The following TBC1D5 variants were observed in gnomAD, a reference collection of about 807,000 sequenced individuals.
The protein encoded by TBC1D5 is TBC1 domain family member 5.
TBC1D5 carries 75 observed loss-of-function variants against 100.3 expected under a neutral mutation model. The ratio of observed to expected loss-of-function variants is 0.75; its 90% CI spans 0.62 to 0.91. The LOEUF (loss-of-function observed/expected upper bound fraction) is 0.91, where lower values mean the gene tolerates loss of function less well. Ranked by LOEUF, TBC1D5 falls within the 40% of genes least tolerant of loss-of-function variation. The pLI, the probability that TBC1D5 is intolerant of heterozygous loss-of-function variation, is 0.00. For synonymous variants in TBC1D5, 323 were observed against 325.6 expected (o/e 0.99, Z 0.09); for missense variants, 910 against 942.4 (o/e 0.97, Z 0.45).
intron 1 of TBC1D5, among the ~76,000 whole-genome samples, chr3:17,725,279 C>CT (rs2076028526): frequency 1.3e-5 from 2 of 152,060 alleles, no homozygotes; most frequent in Admixed American, 6.6e-5. Context: ...TCTAAAACCA[C>CT]TTTAAGTTAC....
intron 16 of TBC1D5, among the ~76,000 whole-genome samples, chr3:17,256,554 G>A (rs1438187874): frequency 5.9e-5 from 9 of 151,618 alleles, no homozygotes; most frequent in African/African-American, 2.4e-5. Context: ...AAATCATGAA[G>A]GGGAGAAAAT....
At chr3:17,368,745 T>C (rs2092310270) in intron 13 of TBC1D5, among the ~76,000 whole-genome samples, 1 of 151,876 alleles carries the variant, frequency 6.6e-6, no homozygotes, top group African/African-American at 2.4e-5. Flanking sequence ...ACATTTTACT[T>C]TACAAAAAAA....
chr3:17,529,695 G>A (rs2096192346), intron 2 of TBC1D5, among the ~76,000 whole-genome samples: 1 of 151,686 alleles, frequency 6.6e-6, no homozygotes, highest in African/African-American at 2.4e-5. Context: ...CGGCCAGGCT[G>A]GAGTGCAGTG....
intron 2 of TBC1D5, among the ~76,000 whole-genome samples, chr3:17,548,388 A>C (rs13320647): frequency 0.51 from 77,718 of 152,026 alleles, 21,730 homozygotes; most frequent in African/African-American, 0.72. Flanking sequence ...TCACTTCTCT[A>C]TGAAAATACT....
chr3:17,266,061 T>G (rs1203236341), intron 15 of TBC1D5, among the ~76,000 whole-genome samples: 1 of 152,184 alleles, frequency 6.6e-6, no homozygotes, highest in African/African-American at 2.4e-5. Flanking sequence ...ACATTAGATT[T>G]ATCATAATTC....
chr3:17,356,508 T>A (rs1179265383), intron 13 of TBC1D5, among the ~76,000 whole-genome samples: 1 of 152,180 alleles, frequency 6.6e-6, no homozygotes, highest in East Asian at 1.9e-4. Context: ...GCTTACTCAA[T>A]AATGACCTGA....
intron 2 of TBC1D5, among the ~76,000 whole-genome samples, chr3:17,540,414 T>G (rs550196967): frequency 3.1e-4 from 47 of 152,244 alleles, no homozygotes; most frequent in African/African-American, 1.0e-3. Context: ...TGTCATAAAG[T>G]TTTTTCCTTA....
chr3:17,247,146 G>A (rs1016683291), intron 16 of TBC1D5, among the ~76,000 whole-genome samples: 6 of 152,136 alleles, frequency 3.9e-5, no homozygotes, highest in Non-Finnish European at 8.8e-5. Context: ...AAAAAATCCT[G>A]GGGGACACCA....
At chr3:17,582,715 A>G (rs1259412599) in intron 2 of TBC1D5, among the ~76,000 whole-genome samples, 1 of 151,700 alleles carries the variant, frequency 6.6e-6, no homozygotes, top group Non-Finnish European at 1.5e-5. Flanking sequence ...GCATAAATCC[A>G]TTATGAGCAT....
chr3:17,432,402 T>C (rs916163677), intron 3 of TBC1D5, among the ~76,000 whole-genome samples: 1 of 152,172 alleles, frequency 6.6e-6, no homozygotes, highest in African/African-American at 2.4e-5. Context: ...TGACACACAG[T>C]GAAGGCAAAG....
exon 22 of TBC1D5, chr3:17,157,710 AAAAAT>A (rs141665322): frequency 0.025 from 3,883 of 152,388 alleles, 64 homozygotes; most frequent in Middle Eastern, 0.068. Flanking sequence ...AGTTCCTTAA[AAAAAT>A]AAAATAAAAA....
Position 17,543,425 on chromosome 3 carries a change from G to C in TBC1D5, c.-35-34820C>G, listed in dbSNP as rs186626836. Among the ~76,000 whole-genome samples the C allele has an allele frequency of 1.6e-3, 245 of 152,226 alleles. 3 individuals are homozygous for C. Among genetic ancestry groups the C allele is most frequent in the Non-Finnish European group, 2.6e-3 (174 of 68,006 alleles). ...AGGTGGGAGGATTGCTTGAGGTCAG[G>C]AGTTCGAAACCAGCCTGGGTAACAT... is the stretch of plus-strand genomic sequence containing the variant. On this transcript the variant is annotated intron_variant, in intron 2 of 21. Transcript: ENST00000253692.
chr3:17,364,031 AC>A (rs1353902537), intron 13 of TBC1D5, among the ~76,000 whole-genome samples: 2 of 150,252 alleles, frequency 1.3e-5, no homozygotes, highest in African/African-American at 2.4e-5. Flanking sequence ...CAGCACCACC[AC>A]CCCCTCCCCG....
chr3:17,698,926 C>T (rs1466299761), intron 1 of TBC1D5, among the ~76,000 whole-genome samples: 2 of 139,392 alleles, frequency 1.4e-5, no homozygotes, highest in African/African-American at 5.2e-5. Context: ...GAAATAGGAA[C>T]ACTTTTACAC....
chr3:17,208,689 T>C (rs2125917469), intron 18 of TBC1D5, among the ~76,000 whole-genome samples: 1 of 152,344 alleles, frequency 6.6e-6, no homozygotes, highest in Middle Eastern at 3.4e-3. Flanking sequence ...TTTATTTCTA[T>C]TTTTACTCAA....
At chr3:17,615,863 A>AGG (rs1283401253) in intron 2 of TBC1D5, among the ~76,000 whole-genome samples, 281 of 152,182 alleles carry the variant, frequency 1.8e-3, no homozygotes, top group Non-Finnish European at 3.2e-3. Flanking sequence ...CATTTTTTGA[A>AGG]GCATTTTTTG....
intron 19 of TBC1D5, among the ~76,000 whole-genome samples, chr3:17,181,642 T>C (rs952529060): frequency 1.3e-5 from 2 of 152,228 alleles, no homozygotes; most frequent in South Asian, 4.1e-4. Context: ...CAACTGGCTC[T>C]GCCTGCTACG....
chr3:17,563,845 T>TGC (rs1560170291), intron 2 of TBC1D5, among the ~76,000 whole-genome samples: 2 of 152,188 alleles, frequency 1.3e-5, no homozygotes, highest in East Asian at 1.9e-4. Context: ...TGCAGTGGCT[T>TGC]GATCTCAGCT....
chr3:17,661,842 G>GC, intron 1 of TBC1D5, among the ~76,000 whole-genome samples: 1 of 152,014 alleles, frequency 6.6e-6, no homozygotes, highest in Middle Eastern at 3.4e-3. Context: ...CTAGGATAGT[G>GC]CATCACCTTC....
Sources: allele counts gnomAD v4.1 joint callset (sites outside exome capture counted in the v4.1 genomes callset), GRCh38; gene constraint gnomAD v4.1.1; transcripts MANE v1.5; gene names NCBI Gene and HGNC (gene_info 2026-07-23, HGNC 2026-07-21).